Variants in SNRPD1 observed in about 807,000 individuals in gnomAD.
SNRPD1 encodes the protein small nuclear ribonucleoprotein Sm D1.
SNRPD1 carries 1 observed loss-of-function variant against 14.4 expected under a neutral mutation model. The ratio of observed to expected loss-of-function variants is 0.07; its 90% CI spans 0.02 to 0.33. The LOEUF (loss-of-function observed/expected upper bound fraction) is 0.33. SNRPD1 is among the 10% of genes least tolerant of loss of function. The pLI, the probability that SNRPD1 is intolerant of heterozygous loss-of-function variation, is 1.00. For missense variants in SNRPD1, 52 were observed against 146.4 expected, an observed-to-expected ratio of 0.36 and a Z score of 3.33; for synonymous variants, 42 against 50.3, an observed-to-expected ratio of 0.83 and a Z score of 0.70.
chr18:21,616,564 G>T (rs1431058985), intron 1 of SNRPD1, among the ~76,000 whole-genome samples: 2 of 150,540 alleles, frequency 1.3e-5, no homozygotes. Context: ...CACCATGTTG[G>T]TCAGGCTGGT....
intron 3 of SNRPD1, among the ~76,000 whole-genome samples, chr18:21,625,217 C>T (rs991400296): frequency 6.6e-6 from 1 of 151,510 alleles, no homozygotes; most frequent in Non-Finnish European, 1.5e-5. Context: ...TATCATCTTA[C>T]TCCACGCTTC....
intron 1 of SNRPD1, among the ~76,000 whole-genome samples, chr18:21,619,124 A>G (rs1028975794): frequency 3.9e-5 from 6 of 152,176 alleles, no homozygotes; most frequent in African/African-American, 1.4e-4. Flanking sequence ...GTCATTAGAA[A>G]ATGCATGCTG....
intron 3 of SNRPD1, among the ~76,000 whole-genome samples, chr18:21,626,374 A>G (rs1339307591): frequency 6.8e-6 from 1 of 147,326 alleles, no homozygotes; most frequent in Admixed American, 6.8e-5. Flanking sequence ...AGCCTGGGTG[A>G]CAGAGTAAAA....
intron 3 of SNRPD1, among the ~76,000 whole-genome samples, chr18:21,625,457 T>G (rs1421212215): frequency 6.6e-6 from 1 of 151,564 alleles, no homozygotes; most frequent in East Asian, 1.9e-4. Context: ...GCTGGGATTA[T>G]AGGTGTGTGC....
Position 21,612,420 on chromosome 18 carries a change from C to T in SNRPD1, c.-10C>T. ...TGCTGTCGGACCCAGAGGGTGACGG[C>T]GCCGCTAGGATGAAGCTCGTGAGGT... On this transcript the variant is annotated 5_prime_UTR_variant, in exon 1 of 4. Coordinates refer to ENST00000300413, the MANE Select transcript of SNRPD1 (RefSeq NM_006938.4). 6.4e-7 allele frequency: 1 copy of T among 1,551,316 alleles called. No individual in the cohort carries two copies. Among genetic ancestry groups the T allele is most frequent in the Non-Finnish European group, 8.8e-7 (1 of 1,140,878 alleles).
chr18:21,614,666 A>G (rs1245633529), intron 1 of SNRPD1, among the ~76,000 whole-genome samples: 1 of 152,170 alleles, frequency 6.6e-6, no homozygotes, highest in Non-Finnish European at 1.5e-5. Flanking sequence ...ATACATTGCC[A>G]ATTTTGCCAG....
rs537989193 is a variant in SNRPD1, at chr18:21,615,778, C to G, written c.14+3335C>G. Among the ~76,000 whole-genome samples, 15 of 152,184 alleles carry G rather than the reference C, an allele frequency of 9.9e-5. No homozygotes were observed. In the South Asian group the frequency reaches 2.9e-3, roughly 29 times the overall value. On this transcript the variant is annotated intron_variant, in intron 1 of 3. Coordinates refer to ENST00000300413, the MANE Select transcript of SNRPD1 (RefSeq NM_006938.4). ...TAAATACTCGAGTGGAGTTGATGGA[C>G]TGTAACATAGTTATGTGTTTAGCTT...
chr18:21,618,259 CA>C (rs2038972103), intron 1 of SNRPD1, among the ~76,000 whole-genome samples: 1 of 151,222 alleles, frequency 6.6e-6, no homozygotes, highest in South Asian at 2.1e-4. Flanking sequence ...CACATCTCTA[CA>C]AAAAATTTAA....
chr18:21,622,774 G>A lies in SNRPD1; in HGVS notation c.64G>A (p.Gly22Arg), dbSNP rs778512634. ...AACTGTAACCATTGAATTGAAGAAC[G>A]GAACACAGGTCCATGGAACAATCAC... ...HETVTIELKN[G>R]TQVHGTITGV... Residue 22 changes from glycine to arginine, a missense_variant, in exon 2 of 4, where the codon GGA (glycine) becomes AGA (arginine). By Grantham distance (125) the Gly-to-Arg change is moderately radical. Coordinates refer to ENST00000300413, the MANE Select transcript of SNRPD1 (RefSeq NM_006938.4). The A allele has an allele frequency of 4.4e-6, 7 of 1,584,652 alleles. No individual in the cohort carries two copies. Among genetic ancestry groups the A allele is most frequent in the East Asian group, 2.2e-5 (1 of 44,760 alleles).
intron 3 of SNRPD1, 94 bp from the exon 4 acceptor site, chr18:21,628,968 C>A: frequency 1.1e-6 from 1 of 916,970 alleles, no homozygotes; most frequent in South Asian, 1.3e-5. Context: ...GAGCTATAAA[C>A]AGGGAAAGGT....
At chr18:21,627,113 C>G (rs1414075861) in intron 3 of SNRPD1, among the ~76,000 whole-genome samples, 7 of 150,150 alleles carry the variant, frequency 4.7e-5, no homozygotes, top group Non-Finnish European at 7.4e-5. Flanking sequence ...ACTAAAAATA[C>G]AAAAAAGTAG....
At position 21,620,259 on chromosome 18, in the gene SNRPD1, AT is replaced by A. The variant is rs202158603; in HGVS notation, c.15-2456del. ...ATGAGCTACCGCACCCGGCCAACTAATTTTTTTTTTATTTTTATTTTTGTAG... is the reference window on the plus strand; with the variant it reads ...ATGAGCTACCGCACCCGGCCAACTAATTTTTTTTTATTTTTATTTTTGTAG... On this transcript the variant is annotated intron_variant, in intron 1 of 3. Coordinates refer to ENST00000300413, the MANE Select transcript of SNRPD1 (RefSeq NM_006938.4). 9.1e-3 allele frequency among the ~76,000 whole-genome samples: 1,374 copies of A among 150,450 alleles called. 22 individuals are homozygous for A. Among genetic ancestry groups the A allele is most frequent in the African/African-American group, 0.031 (1,292 of 41,084 alleles).
intron 1 of SNRPD1, among the ~76,000 whole-genome samples, chr18:21,621,829 G>T (rs141066715): frequency 1.3e-5 from 2 of 152,054 alleles, no homozygotes; most frequent in Admixed American, 1.3e-4. Context: ...CGCCCTCCTC[G>T]GCCTCCCAAA....
Position 21,629,963 on chromosome 18 carries a change from G to T in SNRPD1, c.*825G>T, listed in dbSNP as rs1157663809. ...CTCCTTTCCTGAGTTTTACTCCACG[G>T]AGTCTTAGGTACCTGGTAAAAAGTT... On this transcript the variant is annotated 3_prime_UTR_variant, in exon 4 of 4. Coordinates refer to ENST00000300413, the MANE Select transcript of SNRPD1 (RefSeq NM_006938.4). 1 of 152,170 alleles carries T rather than the reference G, an allele frequency of 6.6e-6. No homozygotes were observed. The highest frequency in any genetic ancestry group is 1.5e-5 in the Non-Finnish European group (1 of 68,040). The allele number at this position is 152,170 out of a possible 1,614,324, so 9.4% of individuals were successfully genotyped here. A position where few individuals can be genotyped will look rare whatever the true frequency, so the allele number is the denominator to read the frequency against.
chr18:21,616,470 A>T (rs1342377319), intron 1 of SNRPD1, among the ~76,000 whole-genome samples: 1 of 147,056 alleles, frequency 6.8e-6, no homozygotes, highest in East Asian at 2.1e-4. Flanking sequence ...CGATTCTCCT[A>T]CCTCAGCCTC....
rs139620948 is a variant in SNRPD1, at chr18:21,615,556, T to C, written c.14+3113T>C. Among the ~76,000 whole-genome samples, 1,378 of 151,668 alleles carry C rather than the reference T, an allele frequency of 9.1e-3. 22 individuals carry two copies. The highest frequency in any genetic ancestry group is 0.031 in the African/African-American group (1,296 of 41,298). On this transcript the variant is annotated intron_variant, in intron 1 of 3. Transcript: ENST00000300413. ...TCCCTTGAACCCAGGAGGTGGAGAT[T>C]GCAGTGAGCTGAGATCACGCCATTG...
intron 1 of SNRPD1, 86 bp from the exon 2 acceptor site, chr18:21,622,639 T>G (rs779543253): frequency 1.6e-5 from 11 of 682,038 alleles, no homozygotes; most frequent in African/African-American, 3.6e-5. Flanking sequence ...TAGCAAATTT[T>G]CAACATCGAG....
chr18:21,623,427 C>G (rs983158294), intron 2 of SNRPD1, among the ~76,000 whole-genome samples: 9 of 152,128 alleles, frequency 5.9e-5, no homozygotes, highest in African/African-American at 1.9e-4. Context: ...GAGGAAGTTA[C>G]AAAGACAGTG....
rs570028665 is a variant in SNRPD1 at position 21,632,724 on chromosome 18, A to G, written c.*3586A>G. 6.6e-6 allele frequency: 1 copy of G among 152,108 alleles called. No homozygotes were observed. The highest frequency in any genetic ancestry group is 6.6e-5 in the Admixed American group (1 of 15,232). The allele number at this position is 152,108 out of a possible 1,614,324, so 9.4% of individuals were successfully genotyped here. On this transcript the variant is annotated 3_prime_UTR_variant, in exon 4 of 4. Coordinates refer to ENST00000300413, the MANE Select transcript of SNRPD1 (RefSeq NM_006938.4). Reference sequence around the variant, plus strand: ...ACTAGAGTTTAACATGCTTCTCTTGACCCCTCTTCACCACCCCCTAAAAGG... The same window carrying G: ...ACTAGAGTTTAACATGCTTCTCTTGGCCCCTCTTCACCACCCCCTAAAAGG...
Sources: allele counts gnomAD v4.1 joint callset (sites outside exome capture counted in the v4.1 genomes callset), GRCh38; gene constraint gnomAD v4.1.1; transcripts MANE v1.5; gene names NCBI Gene and HGNC (gene_info 2026-07-23, HGNC 2026-07-21).